The following GRIP1 variants were observed in gnomAD, a reference collection of about 807,000 sequenced individuals.
GRIP1 encodes the protein glutamate receptor-interacting protein 1.
GRIP1 carries 45 observed loss-of-function variants against 129.9 expected under a neutral mutation model. That is an observed-to-expected ratio of 0.35 (90% CI 0.27 to 0.44). GRIP1 has a LOEUF of 0.44. Ranked by LOEUF, GRIP1 falls within the 20% of genes least tolerant of loss-of-function variation. The probability of loss-of-function intolerance (pLI) is 1.00; values close to 1 mark genes in which losing one functional copy is unlikely to be tolerated. For synonymous variants in GRIP1, 530 were observed against 520.8 expected, an observed-to-expected ratio of 1.02 and a Z score of -0.24; for missense variants, 1,196 against 1,396.8, an observed-to-expected ratio of 0.86 and a Z score of 2.29.
At chr12:66,864,035 T>G (rs2040158068) in intron 1 of GRIP1, among the ~76,000 whole-genome samples, 2 of 152,012 alleles carry the variant, frequency 1.3e-5, no homozygotes, top group South Asian at 2.1e-4. Context: ...TCTCCAACAC[T>G]TGGCAAGATC....
chr12:66,506,168 C>T (rs929593404), intron 7 of GRIP1, among the ~76,000 whole-genome samples: 5 of 152,070 alleles, frequency 3.3e-5, no homozygotes, highest in Admixed American at 2.0e-4. Context: ...TAACCTAAGG[C>T]CTAGCAATTC....
intron 9 of GRIP1, among the ~76,000 whole-genome samples, chr12:66,462,680 T>C (rs533011044): frequency 2.6e-4 from 39 of 151,258 alleles, no homozygotes; most frequent in South Asian, 4.2e-4. Flanking sequence ...CGGTCACCTG[T>C]AATCCCAGCT....
chr12:66,906,789 T>C (rs766037235), intron 1 of GRIP1, among the ~76,000 whole-genome samples: 50 of 152,354 alleles, frequency 3.3e-4, no homozygotes, highest in South Asian at 6.2e-4. Context: ...TCTTAAGATA[T>C]ACTTTGTCTA....
At chr12:66,814,589 T>TAAAAAAAAAAAAA (rs79461500) in intron 1 of GRIP1, among the ~76,000 whole-genome samples, 2 of 108,422 alleles carry the variant, frequency 1.8e-5, no homozygotes, top group Non-Finnish European at 3.9e-5. Flanking sequence ...AGTGATACCA[T>TAAAAAAAAAAAAA]AAAAAAAAAA....
Position 66,525,174 on chromosome 12 carries a change from A to T in GRIP1, c.502+4657T>A, listed in dbSNP as rs146808707. 1.0e-3 allele frequency among the ~76,000 whole-genome samples: 153 copies of T among 152,330 alleles called. 1 individual carries two copies. Among genetic ancestry groups the T allele is most frequent in the African/African-American group, 3.4e-3 (141 of 41,578 alleles). On this transcript the variant is annotated intron_variant, in intron 5 of 24. Transcript: ENST00000359742. ...AAAAAGAGGGAATCCTCCCTAACTCAATTTATGAGGTTTGCATTATCCTGA... is the reference window on the plus strand; with the variant it reads ...AAAAAGAGGGAATCCTCCCTAACTCTATTTATGAGGTTTGCATTATCCTGA...
At chr12:66,574,717 A>G (rs1023337439) in intron 2 of GRIP1, among the ~76,000 whole-genome samples, 1 of 151,568 alleles carries the variant, frequency 6.6e-6, no homozygotes, top group Admixed American at 6.6e-5. Context: ...AGTTCTGCCC[A>G]CTTTCATGGT....
chr12:66,645,843 T>C (rs1373418535), intron 1 of GRIP1, among the ~76,000 whole-genome samples: 1 of 152,252 alleles, frequency 6.6e-6, no homozygotes, highest in Non-Finnish European at 1.5e-5. Flanking sequence ...AAGAGGACTC[T>C]GATCCAGGTT....
chr12:67,041,326 A>G (rs867146938), intron 1 of GRIP1, among the ~76,000 whole-genome samples: 5 of 150,650 alleles, frequency 3.3e-5, no homozygotes, highest in East Asian at 1.9e-4. Context: ...ACACGTGTGT[A>G]TGTGTGTGTG....
intron 15 of GRIP1, among the ~76,000 whole-genome samples, chr12:66,407,739 G>T (rs1221347743): frequency 6.6e-6 from 1 of 152,148 alleles, no homozygotes; most frequent in Admixed American, 6.5e-5. Context: ...GTGTTCTTGG[G>T]TACTAAATAA....
At chr12:66,698,478 C>G (rs916949384) in intron 1 of GRIP1, among the ~76,000 whole-genome samples, 1 of 152,178 alleles carries the variant, frequency 6.6e-6, no homozygotes, top group Non-Finnish European at 1.5e-5. Context: ...ATTCTACACA[C>G]GCAAGGCAGA....
chr12:66,424,194 C>G (rs184285425), intron 14 of GRIP1, among the ~76,000 whole-genome samples: 1 of 152,138 alleles, frequency 6.6e-6, no homozygotes, highest in Non-Finnish European at 1.5e-5. Flanking sequence ...AATTTTATCC[C>G]GGATCACAAG....
intron 1 of GRIP1, among the ~76,000 whole-genome samples, chr12:66,829,978 C>T (rs988036712): frequency 1.8e-4 from 28 of 152,140 alleles, no homozygotes; most frequent in Non-Finnish European, 3.4e-4. Flanking sequence ...TAAAGGGATA[C>T]CTGGGTCTAT....
Position 66,353,409 on chromosome 12 carries a change from G to C in GRIP1, c.3159+8C>G. 6.3e-7 allele frequency: 1 copy of C among 1,599,436 alleles called. No individual in the cohort carries two copies. The highest frequency in any genetic ancestry group is 1.1e-5 in the South Asian group (1 of 90,816). On this transcript the variant is annotated splice_region_variant and intron_variant, in intron 24 of 24. Coordinates refer to ENST00000359742, the MANE Select transcript of GRIP1 (RefSeq NM_001366722.1). ...TGCAAGGAATTAAAATTCCACCTGAGGTCTTACCTGTAAGAGCCTGTCATA... is the reference window on the plus strand; with the variant it reads ...TGCAAGGAATTAAAATTCCACCTGACGTCTTACCTGTAAGAGCCTGTCATA...
intron 1 of GRIP1, among the ~76,000 whole-genome samples, chr12:66,625,993 C>T (rs1048986405): frequency 2.0e-5 from 3 of 152,112 alleles, no homozygotes; most frequent in African/African-American, 7.2e-5. Context: ...AAGGAACCAG[C>T]CCACTTCTGG....
intron 1 of GRIP1, among the ~76,000 whole-genome samples, chr12:66,961,131 A>T (rs1046224952): frequency 6.6e-6 from 1 of 152,202 alleles, no homozygotes; most frequent in African/African-American, 2.4e-5. Flanking sequence ...CATACAAACT[A>T]AACTCTGAAC....
chr12:66,890,188 C>T (rs571419950), intron 1 of GRIP1, among the ~76,000 whole-genome samples: 1 of 152,082 alleles, frequency 6.6e-6, no homozygotes, highest in Non-Finnish European at 1.5e-5. Context: ...CTCAGCCTCC[C>T]AAAATGTTGG....
intron 1 of GRIP1, among the ~76,000 whole-genome samples, chr12:66,676,405 A>G (rs923744109): frequency 2.6e-5 from 4 of 152,258 alleles, no homozygotes; most frequent in African/African-American, 9.6e-5. Flanking sequence ...CACAAATAGC[A>G]AGGTAGTTTT....
intron 1 of GRIP1, among the ~76,000 whole-genome samples, chr12:66,967,058 G>A (rs1478625282): frequency 2.6e-5 from 4 of 152,128 alleles, no homozygotes; most frequent in Admixed American, 1.3e-4. Flanking sequence ...CCTATTGAAA[G>A]ATATTTTTGT....
intron 1 of GRIP1, among the ~76,000 whole-genome samples, chr12:66,676,437 C>G (rs1370519696): frequency 6.6e-6 from 1 of 152,044 alleles, no homozygotes; most frequent in African/African-American, 2.4e-5. Context: ...GCAAACTTCC[C>G]CCTGCTAAGA....
Sources: gnomAD v4.1 joint callset for allele counts (sites outside exome capture counted in the v4.1 genomes callset) on GRCh38, gnomAD v4.1.1 for gene constraint, MANE v1.5 for transcripts, NCBI Gene and HGNC (gene_info 2026-07-23, HGNC 2026-07-21) for gene names.